The following PPP2R5C variants were observed in gnomAD, a reference collection of about 807,000 sequenced individuals.
PPP2R5C encodes the protein serine/threonine-protein phosphatase 2A 56 kDa regulatory subunit gamma isoform.
In PPP2R5C, 7 loss-of-function variants were observed where a neutral mutation model predicts 68.9. The ratio of observed to expected loss-of-function variants is 0.10; its 90% CI spans 0.06 to 0.19. The LOEUF is 0.19. Ranked by LOEUF, PPP2R5C falls within the 10% of genes least tolerant of loss-of-function variation. PPP2R5C has a pLI of 1.00. For missense variants in PPP2R5C, 348 were observed against 641.3 expected (o/e 0.54, Z 4.94); for synonymous variants, 210 against 222.2 (o/e 0.95, Z 0.49).
At chr14:101,876,162 G>A (rs1020382519) in intron 2 of PPP2R5C, among the ~76,000 whole-genome samples, 4 of 152,050 alleles carry the variant, frequency 2.6e-5, no homozygotes, top group African/African-American at 4.8e-5. Context: ...TATTGCGAAG[G>A]GGCTTAACAC....
At chr14:101,922,352 G>A in intron 13 of PPP2R5C, 1 of 248,982 alleles carries the variant, frequency 4.0e-6, no homozygotes, top group Non-Finnish European at 6.4e-6. Context: ...AGCCGGACGT[G>A]GTGGCAGGCA....
intron 13 of PPP2R5C, among the ~76,000 whole-genome samples, chr14:101,918,413 C>A: frequency 9.3e-6 from 1 of 107,232 alleles, no homozygotes; most frequent in Middle Eastern, 4.8e-3. Flanking sequence ...TCCCCCCTTG[C>A]CCCCTCACCC....
intron 1 of PPP2R5C, among the ~76,000 whole-genome samples, chr14:101,854,967 C>T (rs962023199): frequency 6.6e-6 from 1 of 152,100 alleles, no homozygotes; most frequent in Non-Finnish European, 1.5e-5. Context: ...GCCAGGAGCT[C>T]GAGACCAGCC....
At chr14:101,914,667 G>A (rs78833260) in intron 12 of PPP2R5C, 3,319 of 156,124 alleles carry the variant, frequency 0.021, 89 homozygotes, top group Middle Eastern at 0.068. Context: ...CACGTACCCA[G>A]CAGGCGTTGG....
At chr14:101,761,750 G>A (rs1051747855), upstream of PPP2R5C, 1 of 976,600 alleles carries the variant, frequency 1.0e-6, no homozygotes, top group Non-Finnish European at 1.2e-6. Context: ...TGGAAAAGGG[G>A]AAGCGAGAGC....
intron 2 of PPP2R5C, among the ~76,000 whole-genome samples, chr14:101,864,896 A>G (rs1245100313): frequency 1.3e-5 from 2 of 152,220 alleles, no homozygotes; most frequent in African/African-American, 4.8e-5. Context: ...AATGGGTGTC[A>G]GAATGACGCA....
intron 9 of PPP2R5C, among the ~76,000 whole-genome samples, chr14:101,902,908 A>G (rs2045780752): frequency 6.6e-6 from 1 of 152,144 alleles, no homozygotes; most frequent in Non-Finnish European, 1.5e-5. Context: ...TAAAGGAAGG[A>G]ACTGCTGTGG....
chr14:101,921,211 G>T, intron 13 of PPP2R5C: 1 of 248,698 alleles, frequency 4.0e-6, no homozygotes, highest in Non-Finnish European at 8.3e-6. Context: ...GTGACTACCG[G>T]CACCACCACA....
intron 3 of PPP2R5C, among the ~76,000 whole-genome samples, chr14:101,794,585 G>A (rs1298669412): frequency 1.3e-5 from 2 of 152,134 alleles, no homozygotes; most frequent in African/African-American, 4.8e-5. Context: ...ATATCTGAGG[G>A]AGGGCTGGCA....
chr14:101,801,129 T>A (rs972920168), intron 3 of PPP2R5C, among the ~76,000 whole-genome samples: 3 of 152,160 alleles, frequency 2.0e-5, no homozygotes, highest in Non-Finnish European at 4.4e-5. Context: ...AAGGAATAAG[T>A]TCTAGAATTC....
intron 3 of PPP2R5C, among the ~76,000 whole-genome samples, chr14:101,788,908 G>A (rs1401906698): frequency 6.6e-6 from 1 of 151,902 alleles, no homozygotes; most frequent in Non-Finnish European, 1.5e-5. Flanking sequence ...AAATTTTATG[G>A]TTTTCTTGTA....
chr14:101,811,230 G>A (rs540263317), intron 1 of PPP2R5C, among the ~76,000 whole-genome samples: 1 of 152,336 alleles, frequency 6.6e-6, no homozygotes, highest in South Asian at 2.1e-4. Context: ...TGTTTTTGTA[G>A]TGCACCCAGT....
intron 5 of PPP2R5C, among the ~76,000 whole-genome samples, chr14:101,884,806 G>T (rs558613931): frequency 6.6e-6 from 1 of 152,250 alleles, no homozygotes; most frequent in Admixed American, 6.5e-5. Flanking sequence ...CTGACTTGGC[G>T]GTGGGTCTGG....
At position 101,893,194 on chromosome 14, in the gene PPP2R5C, A is replaced by T; in HGVS notation, c.798+86A>T. 4.3e-6 allele frequency: 4 copies of T among 930,908 alleles called. No homozygotes were observed. In the South Asian group the frequency reaches 4.4e-5, roughly 10 times the overall value. The allele number at this position is 930,908 out of a possible 1,614,324, so 57.7% of individuals were successfully genotyped here. On this transcript the variant is annotated intron_variant, in intron 7 of 13. Transcript: ENST00000334743. ...GATAGTGAATCCGGCCTTGACTGAGAGTGCTTTCTTCTTTATAGGCCTGTA... is the reference window on the plus strand; with the variant it reads ...GATAGTGAATCCGGCCTTGACTGAGTGTGCTTTCTTCTTTATAGGCCTGTA...
In PPP2R5C at chr14:101,852,807, C is replaced by T. The variant is rs1447417154; in HGVS notation, c.95-3879C>T. Among the ~76,000 whole-genome samples, 6 of 152,210 alleles carry T rather than the reference C, an allele frequency of 3.9e-5. No homozygotes were observed. In the East Asian group the frequency reaches 1.2e-3, roughly 29 times the overall value. ...ATTCTTATCTCCACCTTCTTTCTGT[C>T]ATTTTGGATGCCCTGGGTCTTTTCT... On this transcript the variant is annotated intron_variant, in intron 1 of 13. Transcript: ENST00000334743.
chr14:101,787,358 G>A (rs939585532), intron 3 of PPP2R5C, among the ~76,000 whole-genome samples: 3 of 152,112 alleles, frequency 2.0e-5, no homozygotes, highest in African/African-American at 7.2e-5. Flanking sequence ...GATTTGCCAG[G>A]TGGAAGGAGG....
chr14:101,848,184 A>C (rs1475996677), intron 1 of PPP2R5C, among the ~76,000 whole-genome samples: 1 of 152,208 alleles, frequency 6.6e-6, no homozygotes, highest in Non-Finnish European at 1.5e-5. Flanking sequence ...TTTCAATCAA[A>C]AAATTAGAAG....
At chr14:101,792,329 G>T (rs2038396976) in intron 3 of PPP2R5C, among the ~76,000 whole-genome samples, 1 of 152,188 alleles carries the variant, frequency 6.6e-6, no homozygotes, top group African/African-American at 2.4e-5. Context: ...GTAATAGTCT[G>T]CAGTGTATAT....
chr14:101,849,370 TGAG>T (rs1243439608), intron 1 of PPP2R5C, among the ~76,000 whole-genome samples: 2 of 152,194 alleles, frequency 1.3e-5, no homozygotes, highest in African/African-American at 4.8e-5. Flanking sequence ...AGCAGCTCCT[TGAG>T]GCACTATTTG....
Sources: allele counts gnomAD v4.1 joint callset (sites outside exome capture counted in the v4.1 genomes callset), GRCh38; gene constraint gnomAD v4.1.1; transcripts MANE v1.5; gene names NCBI Gene and HGNC (gene_info 2026-07-23, HGNC 2026-07-21).